Variants in PTPRT observed in about 807,000 individuals in gnomAD.
The protein encoded by PTPRT is receptor-type tyrosine-protein phosphatase T.
Under a neutral mutation model 176.8 loss-of-function variants are expected in PTPRT, and 56 were observed. The observed-to-expected ratio is 0.32, with a 90% CI of 0.26 to 0.40. The LOEUF (loss-of-function observed/expected upper bound fraction) is 0.40. Among genes scored for constraint, PTPRT ranks in the 10% least tolerant of loss-of-function variants. PTPRT has a pLI of 1.00. For synonymous variants in PTPRT, 783 were observed against 739.0 expected, an observed-to-expected ratio of 1.06 and a Z score of -0.96; for missense variants, 1,540 against 1,908.2, an observed-to-expected ratio of 0.81 and a Z score of 3.60.
chr20:43,106,455 C>G (rs1434739642), intron 1 of PTPRT, among the ~76,000 whole-genome samples: 1 of 151,912 alleles, frequency 6.6e-6, no homozygotes, highest in Non-Finnish European at 1.5e-5. Flanking sequence ...GTCAGGAGTT[C>G]GAACCAACCT....
intron 7 of PTPRT, among the ~76,000 whole-genome samples, chr20:42,533,323 G>A (rs1352685407): frequency 6.6e-6 from 1 of 152,178 alleles, no homozygotes; most frequent in Admixed American, 6.5e-5. Flanking sequence ...AAATGCGGGT[G>A]TGCCGCCGGG....
intron 2 of PTPRT, among the ~76,000 whole-genome samples, chr20:42,807,994 C>T (rs568750140): frequency 2.0e-5 from 3 of 152,162 alleles, no homozygotes; most frequent in African/African-American, 2.4e-5. Context: ...TAGCAGTAGC[C>T]CCTCCAGGGA....
intron 9 of PTPRT, among the ~76,000 whole-genome samples, chr20:42,393,783 T>C (rs886483759): frequency 6.6e-6 from 1 of 152,236 alleles, no homozygotes; most frequent in African/African-American, 2.4e-5. Flanking sequence ...ATAAGCCCTG[T>C]AATTTTTAGT....
intron 6 of PTPRT, among the ~76,000 whole-genome samples, chr20:42,695,686 G>A (rs910773104): frequency 8.5e-5 from 13 of 152,132 alleles, no homozygotes; most frequent in Non-Finnish European, 1.8e-4. Flanking sequence ...AACTTAACAA[G>A]GAAGAAGATG....
chr20:43,139,692 A>T (rs556326461), intron 1 of PTPRT, among the ~76,000 whole-genome samples: 1 of 152,232 alleles, frequency 6.6e-6, no homozygotes, highest in African/African-American at 2.4e-5. Context: ...CCCAAGTGTA[A>T]AGTATCTAAG....
In PTPRT at chr20:42,834,940, T is replaced by G. The variant is rs561139922; in HGVS notation, c.215-43474A>C. 3.2e-4 allele frequency among the ~76,000 whole-genome samples: 49 copies of G among 152,336 alleles called. 1 individual carries two copies. The highest frequency in any genetic ancestry group is 1.2e-3 in the African/African-American group (48 of 41,586). On this transcript the variant is annotated intron_variant, in intron 2 of 30. Transcript: ENST00000373187. ...AAATGTAAGGATAACATAAAATGAT[T>G]ATCTGCTAGGCAAGATATTTAAATT...
chr20:42,716,574 C>T (rs1299414746), intron 6 of PTPRT, among the ~76,000 whole-genome samples: 1 of 152,146 alleles, frequency 6.6e-6, no homozygotes, highest in Middle Eastern at 3.2e-3. Context: ...TGTTCATATC[C>T]TTCACCCACT....
intron 23 of PTPRT, 50 bp from the exon 24 acceptor site, chr20:42,106,971 C>T: frequency 6.3e-7 from 1 of 1,593,076 alleles, no homozygotes; most frequent in Non-Finnish European, 8.6e-7. Flanking sequence ...GGGGAACCTG[C>T]CCTGGGGAGG....
chr20:42,099,569 T>A (rs1358189044), intron 26 of PTPRT, among the ~76,000 whole-genome samples: 1 of 73,220 alleles, frequency 1.4e-5, no homozygotes, highest in Non-Finnish European at 2.9e-5. Context: ...GGTGGGGTGG[T>A]CTGGCAGCTT....
At chr20:42,499,292 C>CTT (rs56128037) in intron 7 of PTPRT, among the ~76,000 whole-genome samples, 9 of 141,032 alleles carry the variant, frequency 6.4e-5, no homozygotes, top group Non-Finnish European at 1.3e-4. Flanking sequence ...TTTTGATAAA[C>CTT]TTTTTTTTTT....
chr20:42,517,077 T>C (rs144276019), intron 7 of PTPRT, among the ~76,000 whole-genome samples: 2 of 152,218 alleles, frequency 1.3e-5, no homozygotes, highest in Non-Finnish European at 2.9e-5. Flanking sequence ...AAAGTTTCAT[T>C]TCTTTTTTGT....
At chr20:42,165,735 G>A (rs1219401404) in intron 16 of PTPRT, among the ~76,000 whole-genome samples, 2 of 152,156 alleles carry the variant, frequency 1.3e-5, no homozygotes, top group Non-Finnish European at 2.9e-5. Flanking sequence ...AATATTTACA[G>A]GTGGCTTATG....
intron 7 of PTPRT, among the ~76,000 whole-genome samples, chr20:42,575,141 AG>A (rs2073234491): frequency 1.3e-5 from 2 of 152,172 alleles, no homozygotes; most frequent in African/African-American, 4.8e-5. Flanking sequence ...CCGGTTCTGG[AG>A]TCCCAGATGG....
chr20:42,190,186 T>C (rs1990940487), intron 16 of PTPRT, among the ~76,000 whole-genome samples: 1 of 152,212 alleles, frequency 6.6e-6, no homozygotes, highest in African/African-American at 2.4e-5. Flanking sequence ...AATATAATTG[T>C]TCCTGCAAAC....
chr20:42,960,591 T>C (rs1981931145), intron 1 of PTPRT, among the ~76,000 whole-genome samples: 1 of 152,164 alleles, frequency 6.6e-6, no homozygotes, highest in Non-Finnish European at 1.5e-5. Context: ...AGAAGTACCT[T>C]CTCTCTGGGT....
intron 20 of PTPRT, 34 bp from the exon 21 acceptor site, chr20:42,118,534 G>A: frequency 6.4e-7 from 1 of 1,563,308 alleles, no homozygotes; most frequent in Non-Finnish European, 8.7e-7. Context: ...GTTAGAGAAT[G>A]CAAGTGCAAA....
chr20:42,417,981 G>A (rs997540514), intron 9 of PTPRT, among the ~76,000 whole-genome samples: 1 of 152,000 alleles, frequency 6.6e-6, no homozygotes, highest in African/African-American at 2.4e-5. Flanking sequence ...CCCCTACAAT[G>A]TTCCAGAAGT....
At chr20:42,692,842 A>G (rs1279443347) in intron 6 of PTPRT, among the ~76,000 whole-genome samples, 1 of 152,206 alleles carries the variant, frequency 6.6e-6, no homozygotes, top group Non-Finnish European at 1.5e-5. Context: ...ATGAAATTTA[A>G]AAAGTGCCAT....
At chr20:42,634,861 C>A (rs1043038266) in intron 7 of PTPRT, among the ~76,000 whole-genome samples, 2 of 151,936 alleles carry the variant, frequency 1.3e-5, no homozygotes, top group Non-Finnish European at 2.9e-5. Context: ...CTTATTATAC[C>A]TCAATTTGAT....
Sources: allele counts gnomAD v4.1 joint callset (sites outside exome capture counted in the v4.1 genomes callset), GRCh38; gene constraint gnomAD v4.1.1; transcripts MANE v1.5; gene names NCBI Gene and HGNC (gene_info 2026-07-23, HGNC 2026-07-21).